The following REDIC1 variants were observed in gnomAD, a reference collection of about 807,000 sequenced individuals.
REDIC1 encodes the protein HEI10 Interacting Protein 1.
At chr12:39,701,387 C>G in the REDIC1 span, among the ~76,000 whole-genome samples, 1 of 152,194 alleles carries the variant, frequency 6.6e-6, no homozygotes, top group Non-Finnish European at 1.5e-5. Context: ...GAAGAGCTAA[C>G]TATCCTAAAT....
chr12:39,683,018 C>G, the REDIC1 span: 27 of 1,613,022 alleles, frequency 1.7e-5, no homozygotes, highest in Non-Finnish European at 2.3e-5. Flanking sequence ...TTGAATAAAA[C>G]AAGTTATCCA....
chr12:39,692,009 T>G, the REDIC1 span: 2 of 1,493,528 alleles, frequency 1.3e-6, no homozygotes, highest in Non-Finnish European at 1.8e-6. Context: ...AATATTATTA[T>G]GTATACTTAG....
chr12:39,848,614 G>A, the REDIC1 span, among the ~76,000 whole-genome samples: 3 of 152,150 alleles, frequency 2.0e-5, no homozygotes, highest in Admixed American at 6.6e-5. Context: ...AAGCAGTATG[G>A]CAATTCCTCA....
At chr12:39,744,066 A>G in the REDIC1 span, among the ~76,000 whole-genome samples, 2 of 152,218 alleles carry the variant, frequency 1.3e-5, no homozygotes, top group African/African-American at 4.8e-5. Context: ...AAATACAGAA[A>G]AATCACACAT....
the REDIC1 span, among the ~76,000 whole-genome samples, chr12:39,705,063 A>G: frequency 6.6e-6 from 1 of 152,038 alleles, no homozygotes; most frequent in East Asian, 1.9e-4. Flanking sequence ...CCTAAAACTT[A>G]AAGTATAATA....
At chr12:39,713,345 TGTGTATACACATATAC>T in the REDIC1 span, among the ~76,000 whole-genome samples, 14 of 124,870 alleles carry the variant, frequency 1.1e-4, no homozygotes, top group South Asian at 2.4e-4. Flanking sequence ...CGTGTATATA[TGTGTATACACATATAC>T]GTGTATACAC....
At chr12:39,701,628 C>G in the REDIC1 span, among the ~76,000 whole-genome samples, 4 of 152,058 alleles carry the variant, frequency 2.6e-5, no homozygotes, top group African/African-American at 9.7e-5. Context: ...CAAATCAACA[C>G]AATATACATT....
chr12:39,688,371 A>T, the REDIC1 span, among the ~76,000 whole-genome samples: 5 of 152,262 alleles, frequency 3.3e-5, no homozygotes, highest in Admixed American at 2.6e-4. Flanking sequence ...GTTGTTTACC[A>T]AATGGTCAAA....
At chr12:39,752,579 C>T in the REDIC1 span, among the ~76,000 whole-genome samples, 1 of 152,030 alleles carries the variant, frequency 6.6e-6, no homozygotes, top group Admixed American at 6.6e-5. Flanking sequence ...GAAAGAGTGA[C>T]TTGGTAATGT....
chr12:39,654,436 A>G, the REDIC1 span, among the ~76,000 whole-genome samples: 14 of 152,018 alleles, frequency 9.2e-5, no homozygotes, highest in Non-Finnish European at 1.0e-4. Flanking sequence ...AAATACAAAA[A>G]AATTAGTCCG....
the REDIC1 span, among the ~76,000 whole-genome samples, chr12:39,868,224 A>G: frequency 6.6e-6 from 1 of 152,206 alleles, no homozygotes; most frequent in Non-Finnish European, 1.5e-5. Context: ...ATGTTTCAAG[A>G]GAAGAGTCTC....
the REDIC1 span, among the ~76,000 whole-genome samples, chr12:39,770,804 C>T: frequency 6.6e-6 from 1 of 152,070 alleles, no homozygotes; most frequent in Non-Finnish European, 1.5e-5. Flanking sequence ...TCCTCTTATC[C>T]ACTTCTCTTA....
At chr12:39,681,825 A>T in the REDIC1 span, among the ~76,000 whole-genome samples, 1 of 152,112 alleles carries the variant, frequency 6.6e-6, no homozygotes, top group Non-Finnish European at 1.5e-5. Flanking sequence ...AAAAATAGTT[A>T]TTAGAGTTTT....
chr12:39,639,812 A>G, the REDIC1 span, among the ~76,000 whole-genome samples: 1 of 151,970 alleles, frequency 6.6e-6, no homozygotes, highest in Admixed American at 6.6e-5. Context: ...TTGATATTAG[A>G]TAGTATACAG....
the REDIC1 span, among the ~76,000 whole-genome samples, chr12:39,879,135 G>A: frequency 6.6e-6 from 1 of 152,276 alleles, no homozygotes; most frequent in Non-Finnish European, 1.5e-5. Context: ...AGTGAAGAAT[G>A]CTTGGCAGCC....
At chr12:39,696,872 ACAGT>A in the REDIC1 span, among the ~76,000 whole-genome samples, 70 of 152,298 alleles carry the variant, frequency 4.6e-4, no homozygotes, top group African/African-American at 7.9e-4. Flanking sequence ...TTGAAAATAC[ACAGT>A]CAGAGGAGAC....
the REDIC1 span, among the ~76,000 whole-genome samples, chr12:39,767,862 C>G: frequency 6.6e-6 from 1 of 152,010 alleles, no homozygotes; most frequent in African/African-American, 2.4e-5. Flanking sequence ...CTTCCTGTCG[C>G]CATGTGAAGA....
the REDIC1 span, among the ~76,000 whole-genome samples, chr12:39,660,832 C>A: frequency 1.3e-5 from 2 of 152,228 alleles, no homozygotes; most frequent in African/African-American, 4.8e-5. Context: ...ATATCTACAT[C>A]CTTCCCAGCC....
the REDIC1 span, among the ~76,000 whole-genome samples, chr12:39,660,299 C>G: frequency 6.6e-6 from 1 of 152,092 alleles, no homozygotes; most frequent in Non-Finnish European, 1.5e-5. Context: ...CCCTGGATCC[C>G]CAGGTGTTTC....
Sources: gnomAD v4.1 joint callset for allele counts (sites outside exome capture counted in the v4.1 genomes callset) on GRCh38, gnomAD v4.1.1 for gene constraint, MANE v1.5 for transcripts, NCBI Gene and HGNC (gene_info 2026-07-23, HGNC 2026-07-21) for gene names.